Variants in CCDC9 observed in about 807,000 individuals in gnomAD.
CCDC9 encodes the protein coiled-coil domain containing 9, also known as coiled-coil domain-containing protein 9.
CCDC9 carries 52 observed loss-of-function variants against 65.6 expected under a neutral mutation model. The observed-to-expected ratio is 0.79, with a 90% CI of 0.63 to 1.00. The LOEUF is 1.00. CCDC9 is among the 50% of genes least tolerant of loss of function. CCDC9 has a pLI of 0.00. For missense variants in CCDC9, 834 were observed against 757.2 expected (o/e 1.10, Z -1.19); for synonymous variants, 332 against 280.3 (o/e 1.18, Z -1.84).
chr19:47,271,842 T>A lies in CCDC9; in HGVS notation c.*164T>A. ...CCCACAGCCCTGTCAGCTGAGGGGG[T>A]AGCGCAGCCCATGCTCTTCTGTACT... On this transcript the variant is annotated 3_prime_UTR_variant, in exon 12 of 12. Transcript: ENST00000221922. The A allele has an allele frequency of 7.1e-7, 1 of 1,411,032 alleles. No homozygotes were observed. Among genetic ancestry groups the A allele is most frequent in the Non-Finnish European group, 9.2e-7 (1 of 1,087,000 alleles). The allele number at this position is 1,411,032 out of a possible 1,614,324, so 87.4% of individuals were successfully genotyped here.
chr19:47,266,970 C>CTT (rs1004084324), intron 8 of CCDC9, among the ~76,000 whole-genome samples, 178 bp downstream of exon 8: 4 of 146,776 alleles, frequency 2.7e-5, no homozygotes, highest in African/African-American at 9.9e-5. Context: ...TTCTGGTTTT[C>CTT]TTTTTTTTTT....
At chr19:47,256,744 A>C (rs2123431997) in intron 1 of CCDC9, 135 bp downstream of exon 1, 1 of 24,656 alleles carries the variant, frequency 4.1e-5, no homozygotes, top group South Asian at 1.2e-3. Flanking sequence ...CCACATGGGA[A>C]GCTGGAGGGG....
Position 47,265,492 on chromosome 19 carries a change from G to A in CCDC9, c.720+546G>A, listed in dbSNP as rs547854358. Among the ~76,000 whole-genome samples, 4 of 152,236 alleles carry A rather than the reference G, an allele frequency of 2.6e-5. No homozygotes were observed. In the South Asian group the frequency reaches 8.3e-4, roughly 32 times the overall value. On this transcript the variant is annotated intron_variant, in intron 7 of 11. Transcript: ENST00000221922. ...GTGTGAGGGGTGGGGACCTGGCCTA[G>A]AAGAGGAGGCAGGGGCAGTGTCCTT...
Position 47,258,596 on chromosome 19 carries a change from A to G in CCDC9, c.41A>G (p.Asp14Gly). The change falls in exon 3 of 12, where the codon GAT becomes GGT. Residue 14 changes from aspartate to glycine, a missense_variant. Coordinates refer to ENST00000221922, the MANE Select transcript of CCDC9 (RefSeq NM_015603.3). ...GATTTGAAATCAAAGGAGGAGAAGG[A>G]TGCTGAGTTGGACAAGAGGATCGAG... ...TLDLKSKEEK[D>G]AELDKRIEAL... 1.2e-6 allele frequency: 2 copies of G among 1,614,108 alleles called. No individual in the cohort carries two copies. The highest frequency in any genetic ancestry group is 1.7e-6 in the Non-Finnish European group (2 of 1,179,988).
Position 47,265,984 on chromosome 19 carries a change from C to CCTTTTT in CCDC9, c.721-627_721-626insCTTTTT, listed in dbSNP as rs1568639017. ...TACAGGCGTGAGCCACCGCTCCTGGCTTTTTTTTTTTTTTTTTTTTTTTTT... is the reference window on the plus strand; with the variant it reads ...TACAGGCGTGAGCCACCGCTCCTGGCCTTTTTTTTTTTTTTTTTTTTTTTTTTTTTT... On this transcript the variant is annotated intron_variant, in intron 7 of 11. Coordinates refer to ENST00000221922, the MANE Select transcript of CCDC9 (RefSeq NM_015603.3). 4.1e-5 allele frequency among the ~76,000 whole-genome samples: 3 copies of CCTTTTT among 72,626 alleles called. 1 individual carries two copies. Among genetic ancestry groups the CCTTTTT allele is most frequent in the African/African-American group, 8.2e-5 (1 of 12,218 alleles). 47.6% of individuals were successfully genotyped at this position (72,626 alleles called of 152,430 possible).
At chr19:47,273,444 C>CG, downstream of CCDC9, 31 of 1,205,476 alleles carry the variant, frequency 2.6e-5, no homozygotes, top group Non-Finnish European at 3.2e-5. Flanking sequence ...CCTCCGCTGC[C>CG]GGGGGCCGCT....
chr19:47,275,082 T>C (rs1175228161), downstream of CCDC9: 4 of 1,495,908 alleles, frequency 2.7e-6, no homozygotes, highest in African/African-American at 4.4e-5. Flanking sequence ...CGGTCTCATC[T>C]GGGTACCCAC....
chr19:47,259,376 G>A lies in CCDC9; in HGVS notation c.108+713G>A, dbSNP rs150226217. Among the ~76,000 whole-genome samples the A allele has an allele frequency of 1.7e-3, 264 of 152,216 alleles. 1 individual carries two copies. The highest frequency in any genetic ancestry group is 5.8e-3 in the African/African-American group (241 of 41,514). ...GGTCAGAACAGCTCTTTAGGAAGAC[G>A]CCTCTGGGTGCTGTGCGGTGGTGGG... On this transcript the variant is annotated intron_variant, in intron 3 of 11. Transcript: ENST00000221922.
In CCDC9 at chr19:47,258,595, G is replaced by T. The variant is rs1237722120; in HGVS notation, c.40G>T (p.Asp14Tyr). ...TLDLKSKEEK[D>Y]AELDKRIEAL... ...CGATTTGAAATCAAAGGAGGAGAAG[G>T]ATGCTGAGTTGGACAAGAGGATCGA... Residue 14 changes from aspartate (D) to tyrosine (Y), a missense_variant, in exon 3 of 12, where the codon GAT becomes TAT. Physicochemically the swap from Asp to Tyr is radical, Grantham distance 160. Coordinates refer to ENST00000221922, the MANE Select transcript of CCDC9 (RefSeq NM_015603.3). The T allele has an allele frequency of 6.2e-7, 1 of 1,614,144 alleles. No homozygotes were observed. The highest frequency in any genetic ancestry group is 8.5e-7 in the Non-Finnish European group (1 of 1,180,010).
At position 47,263,099 on chromosome 19, in the gene CCDC9, CAAAAA is replaced by C. The variant is rs879267398; in HGVS notation, c.463-1494_463-1490del. The stretch of plus-strand genomic sequence containing the variant: ...TGGGCAACAGAGTAAGACCCTGTCT[CAAAAA>C]AAAAAAAAATCAATAAATTTTTGCT... On this transcript the variant is annotated intron_variant, in intron 5 of 11. Transcript: ENST00000221922. Among the ~76,000 whole-genome samples the C allele has an allele frequency of 3.1e-5, 4 of 130,884 alleles. No individual in the cohort carries two copies. In the Admixed American group the frequency reaches 3.1e-4, roughly 10 times the overall value. The allele number at this position is 130,884 out of a possible 152,430, so 85.9% of individuals were successfully genotyped here.
chr19:47,258,255 A>G (rs1373991516), intron 1 of CCDC9, 75 bp from the exon 2 acceptor site: 1 of 786,960 alleles, frequency 1.3e-6, no homozygotes, highest in East Asian at 2.4e-5. Flanking sequence ...GGCTGTGAGG[A>G]TCCCGCAGTA....
chr19:47,264,003 C>T (rs553330117), intron 5 of CCDC9, among the ~76,000 whole-genome samples: 2 of 152,192 alleles, frequency 1.3e-5, no homozygotes, highest in South Asian at 2.1e-4. Context: ...CTCAGCCTCC[C>T]GAGCAGCTGG....
chr19:47,263,815 C>T (rs1329864271), intron 5 of CCDC9, among the ~76,000 whole-genome samples: 8 of 151,894 alleles, frequency 5.3e-5, no homozygotes, highest in Non-Finnish European at 8.8e-5. Context: ...CCACCTGCCT[C>T]GGCCTTCCAA....
intron 5 of CCDC9, among the ~76,000 whole-genome samples, chr19:47,263,275 G>T (rs549041872): frequency 6.6e-6 from 1 of 152,064 alleles, no homozygotes; most frequent in Non-Finnish European, 1.5e-5. Context: ...CACTGAACTC[G>T]CAGGTTCAGT....
chr19:47,266,294 G>A (rs1232907630), intron 7 of CCDC9: 3 of 302,360 alleles, frequency 9.9e-6, no homozygotes, highest in Middle Eastern at 8.7e-4. Flanking sequence ...CGCGCCCGGC[G>A]GGAGAAGAGT....
At chr19:47,273,899 CG>C, downstream of CCDC9, 1 of 879,788 alleles carries the variant, frequency 1.1e-6, no homozygotes, top group African/African-American at 1.8e-5. Context: ...TTTTCTGTGG[CG>C]GAAGAGGCGG....
rs529448151 is a variant in CCDC9, at chr19:47,264,827, C to T, written c.601C>T (p.Arg201Cys). 47 of 1,556,322 alleles carry T rather than the reference C, an allele frequency of 3.0e-5. No homozygotes were observed. Among genetic ancestry groups the T allele is most frequent in the South Asian group, 6.1e-5 (5 of 82,072 alleles). ...GAACTTCCTGGACGACCCCCGGCGACGCAGCGGGCCCCTGGAGGAGTCTGA... is the reference window on the plus strand; with the variant it reads ...GAACTTCCTGGACGACCCCCGGCGATGCAGCGGGCCCCTGGAGGAGTCTGA... ...VRNFLDDPRR[R>C]SGPLEESERD... The change falls in exon 7 of 12, where the codon CGC becomes TGC. Residue 201 changes from arginine to cysteine, a missense_variant. Transcript: ENST00000221922.
At position 47,264,619 on chromosome 19, in the gene CCDC9, G is replaced by A. The variant is rs778480319; in HGVS notation, c.479G>A (p.Arg160His). 14 of 1,599,778 alleles carry A rather than the reference G, an allele frequency of 8.8e-6. No individual in the cohort carries two copies. The highest frequency in any genetic ancestry group is 2.3e-5 in the South Asian group (2 of 88,636). The change falls in exon 6 of 12, where the codon CGC (arginine) becomes CAC (histidine). Residue 160 changes from arginine (R) to histidine (H), a missense_variant. Transcript: ENST00000221922. ...TCCCCCCAGGAGTGGGAGGAGCGGC[G>A]CAGGCAGAACATTGAGAAGATGAAT... ...DRKSKEWEER[R>H]RQNIEKMNEE... is the part of the protein sequence containing the mutation.
intron 1 of CCDC9, 106 bp downstream of exon 1, chr19:47,256,715 G>A (rs1451807000): frequency 1.3e-5 from 2 of 151,182 alleles, no homozygotes; most frequent in East Asian, 3.9e-4. Context: ...GTTCTCTGCG[G>A]GGGGCGGGGA....
Sources: allele counts gnomAD v4.1 joint callset (sites outside exome capture counted in the v4.1 genomes callset), GRCh38; gene constraint gnomAD v4.1.1; transcripts MANE v1.5; gene names NCBI Gene and HGNC (gene_info 2026-07-23, HGNC 2026-07-21).